The following FCN1 variants were observed in gnomAD, a reference collection of about 807,000 sequenced individuals.
FCN1 encodes the protein ficolin-1.
Under a neutral mutation model 35.6 loss-of-function variants are expected in FCN1, and 42 were observed. That is an observed-to-expected ratio of 1.18 (90% confidence interval 0.92 to 1.53). The LOEUF (loss-of-function observed/expected upper bound fraction) is 1.53. Ranked by LOEUF, FCN1 falls within the 40% of genes most tolerant of loss-of-function variation. FCN1 has a pLI of 0.00. For synonymous variants in FCN1, 179 were observed against 169.8 expected (o/e 1.05, Z -0.42); for missense variants, 439 against 428.4 (o/e 1.02, Z -0.22).
Position 134,912,519 on chromosome 9 carries a change from C to G in FCN1, c.565G>C (p.Gly189Arg). 6.2e-7 allele frequency: 1 copy of G among 1,614,086 alleles called. No homozygotes were observed. ...GTCAGGGCGTGGATGTTGTCATTCCCCAGCCAGAACTCCCCCAGCTGACTG... is the reference window on the plus strand; with the variant it reads ...GTCAGGGCGTGGATGTTGTCATTCCGCAGCCAGAACTCCCCCAGCTGACTG... The part of the protein sequence containing the change: ...FGSQLGEFWL[G>R]NDNIHALTAQ... The change falls in exon 7 of 9, where the codon GGG becomes CGG. Residue 189 changes from glycine to arginine, a missense_variant. Coordinates refer to ENST00000371806, the MANE Select transcript of FCN1 (RefSeq NM_002003.5).
intron 2 of FCN1, among the ~76,000 whole-genome samples, chr9:134,915,378 T>A (rs1831080001): frequency 1.3e-5 from 2 of 152,130 alleles, no homozygotes; most frequent in African/African-American, 4.8e-5. Flanking sequence ...CTGACCCCAG[T>A]GGCTGGGGAG....
At chr9:134,911,634 G>T (rs969643885) in intron 7 of FCN1, among the ~76,000 whole-genome samples, 4 of 151,784 alleles carry the variant, frequency 2.6e-5, no homozygotes, top group Non-Finnish European at 4.4e-5. Flanking sequence ...TTACAGGTGT[G>T]AGCCACGGTG....
chr9:134,909,976 G>A lies in FCN1; in HGVS notation c.803C>T (p.Ser268Leu), dbSNP rs777571891. ...TKDQDNDVSS[S>L]NCAEKFQGAW... is the part of the protein sequence containing the mutation. ...TCCTTGGAACTTCTCAGCACAATTC[G>A]AAGAACTCACATCATTGTCTTGGTC... Residue 268 changes from serine to leucine, a missense_variant, in exon 9 of 9, where the codon TCG (serine) becomes TTG (leucine). By Grantham distance (145) the Ser-to-Leu change is moderately radical (BLOSUM62 -2). Transcript: ENST00000371806. 3.1e-6 allele frequency: 5 copies of A among 1,613,978 alleles called. No individual in the cohort carries two copies. Among genetic ancestry groups the A allele is most frequent in the East Asian group, 2.2e-5 (1 of 44,884 alleles).
At position 134,914,403 on chromosome 9, in the gene FCN1, C is replaced by T; in HGVS notation, c.289G>A (p.Gly97Arg). 2.5e-6 allele frequency: 4 copies of T among 1,614,120 alleles called. No individual in the cohort carries two copies. Among genetic ancestry groups the T allele is most frequent in the Non-Finnish European group, 3.4e-6 (4 of 1,179,960 alleles). Residue 97 changes from glycine to arginine, a missense_variant, in exon 4 of 9, where the codon GGG becomes AGG. Coordinates refer to ENST00000371806, the MANE Select transcript of FCN1 (RefSeq NM_002003.5). ...GGCTCACCTTTCTCTCCACGCATCC[C>T]CTTCTCTCCTCGGTCTCCTGGAGGA... ...VGPKGDRGEKGMRGEKGDAGQ... is the reference protein window; with the variant it reads ...VGPKGDRGEKRMRGEKGDAGQ...
At chr9:134,910,762 C>T (rs886698485) in intron 8 of FCN1, among the ~76,000 whole-genome samples, 5 of 152,156 alleles carry the variant, frequency 3.3e-5, no homozygotes, top group African/African-American at 4.8e-5. Context: ...CTCCCCAGAT[C>T]GTGTAGCCAG....
In FCN1 at chr9:134,907,188, A is replaced by T. The variant is rs1242185228; in HGVS notation, c.*2610T>A. 6.6e-6 allele frequency: 1 copy of T among 152,240 alleles called. No individual in the cohort carries two copies. The highest frequency in any genetic ancestry group is 6.5e-5 in the Admixed American group (1 of 15,284). 9.4% of individuals were successfully genotyped at this position (152,240 alleles called of 1,614,324 possible). ...TTAAAGCTAAGTCTTCCTAGGTTGT[A>T]AAAATGCTTACCTACTGAGGGACGA... On this transcript the variant is annotated 3_prime_UTR_variant, in exon 9 of 9. Transcript: ENST00000371806.
intron 8 of FCN1, among the ~76,000 whole-genome samples, chr9:134,910,554 TC>T (rs1831010697): frequency 6.6e-6 from 1 of 152,178 alleles, no homozygotes; most frequent in South Asian, 2.1e-4. Flanking sequence ...CCTGCTGCCT[TC>T]CTTGGAGGTC....
chr9:134,907,726 C>T lies in FCN1; in HGVS notation c.*2072G>A, dbSNP rs1207425409. 6.6e-6 allele frequency: 1 copy of T among 152,232 alleles called. No homozygotes were observed. Among genetic ancestry groups the T allele is most frequent in the African/African-American group, 2.4e-5 (1 of 41,450 alleles). 9.4% of individuals were successfully genotyped at this position (152,232 alleles called of 1,614,324 possible). ...AGCACATACCCTCTTGAACAGGCTC[C>T]TTTTGCTGCCATGTTTGTGAGACTC... is the stretch of plus-strand genomic sequence containing the variant. On this transcript the variant is annotated 3_prime_UTR_variant, in exon 9 of 9. Transcript: ENST00000371806.
In FCN1 at chr9:134,917,881, C is replaced by T; in HGVS notation, c.-10G>A. On this transcript the variant is annotated 5_prime_UTR_variant, in exon 1 of 9. Coordinates refer to ENST00000371806, the MANE Select transcript of FCN1 (RefSeq NM_002003.5). ...CTCCACTCAGCTCCATGCTCTCTGG[C>T]CTTTGACTCTGAAGAGTCCCCCAGC... The T allele has an allele frequency of 6.3e-7, 1 of 1,598,110 alleles. No homozygotes were observed. Among genetic ancestry groups the T allele is most frequent in the Admixed American group, 1.7e-5 (1 of 59,968 alleles).
rs551478699 is a variant in FCN1 at position 134,903,286 on chromosome 9, T to A, written c.*6512A>T. Among the ~76,000 whole-genome samples, 42 of 152,314 alleles carry A rather than the reference T, an allele frequency of 2.8e-4. No individual in the cohort carries two copies. The highest frequency in any genetic ancestry group is 4.0e-4 in the Non-Finnish European group (27 of 68,016). Reference sequence around the variant, plus strand: ...AATCTATTTTTTATATATAGACTTTTCAGTAGACAACAGCATAAAACATAT... The same window carrying A: ...AATCTATTTTTTATATATAGACTTTACAGTAGACAACAGCATAAAACATAT... On this transcript the variant is annotated 3_prime_UTR_variant, in exon 9 of 9. Transcript: ENST00000371806.
At chr9:134,916,298 A>T (rs1831090355) in intron 2 of FCN1, 50 bp downstream of exon 2, 1 of 1,366,566 alleles carries the variant, frequency 7.3e-7, no homozygotes. Context: ...ATAAAGAGCA[A>T]GAGCCAGTGC....
At position 134,910,422 on chromosome 9, in the gene FCN1, TG is replaced by T. The variant is rs1185032922; in HGVS notation, c.734-378del. 4.0e-4 allele frequency among the ~76,000 whole-genome samples: 61 copies of T among 152,288 alleles called. 1 individual carries two copies. The highest frequency in any genetic ancestry group is 4.4e-5 in the Non-Finnish European group (3 of 68,016). On this transcript the variant is annotated intron_variant, in intron 8 of 8. Transcript: ENST00000371806. ...TGGTAGGTTCAGGACAGCCCTCACCTGGGGGCTTCTCCTCTATCTCAAGCCC... is the reference window on the plus strand; with the variant it reads ...TGGTAGGTTCAGGACAGCCCTCACCTGGGGCTTCTCCTCTATCTCAAGCCC...
chr9:134,913,462 G>A (rs537733514), intron 5 of FCN1, 119 bp downstream of exon 5: 152 of 727,556 alleles, frequency 2.1e-4, no homozygotes, highest in East Asian at 4.5e-4. Context: ...GAGTGATTGA[G>A]GGGGGGATGA....
rs1450547107 is a variant in FCN1 at position 134,904,990 on chromosome 9, C to T, written c.*4808G>A. On this transcript the variant is annotated 3_prime_UTR_variant, in exon 9 of 9. Transcript: ENST00000371806. ...TTTAAATAAATGTATCATAGCATGG[C>T]GGCAAGAATGGCATAAAAAGCAGAA... 2.6e-5 allele frequency among the ~76,000 whole-genome samples: 4 copies of T among 152,090 alleles called. No individual in the cohort carries two copies. The highest frequency in any genetic ancestry group is 2.1e-4 in the South Asian group (1 of 4,820).
In FCN1 at chr9:134,904,568, C is replaced by A; in HGVS notation, c.*5230G>T. On this transcript the variant is annotated 3_prime_UTR_variant, in exon 9 of 9. Coordinates refer to ENST00000371806, the MANE Select transcript of FCN1 (RefSeq NM_002003.5). ...CTGAGGCGGGTGGATCACTTGAGGT[C>A]AGGAGTTCAAGAGCAGCCTGGCTAA... is the stretch of plus-strand genomic sequence containing the variant. Among the ~76,000 whole-genome samples, 1 of 152,152 alleles carries A rather than the reference C, an allele frequency of 6.6e-6. No individual in the cohort carries two copies. The highest frequency in any genetic ancestry group is 1.9e-4 in the East Asian group (1 of 5,196).
intron 1 of FCN1, 146 bp downstream of exon 1, chr9:134,917,623 T>C (rs1831107240): frequency 3.3e-6 from 2 of 607,148 alleles, no homozygotes; most frequent in Non-Finnish European, 6.1e-6. Flanking sequence ...GCCCTGAGCC[T>C]CCATGTCCTT....
At chr9:134,915,126 G>A (rs1461507140) in intron 2 of FCN1, among the ~76,000 whole-genome samples, 1 of 152,194 alleles carries the variant, frequency 6.6e-6, no homozygotes, top group East Asian at 1.9e-4. Context: ...CCCACACAGA[G>A]CTCTACTGCC....
rs1273469367 is a variant in FCN1 at position 134,912,507 on chromosome 9, T to G, written c.577A>C (p.Ile193Leu). The G allele has an allele frequency of 2.5e-6, 4 of 1,613,962 alleles. No homozygotes were observed. The South Asian group carries it at 4.4e-5, about 18-fold the overall frequency. Residue 193 changes from isoleucine (I) to leucine (L), a missense_variant, in exon 7 of 9, where the codon ATC (isoleucine) becomes CTC (leucine). By Grantham distance (5) the Ile-to-Leu change is conservative. Coordinates refer to ENST00000371806, the MANE Select transcript of FCN1 (RefSeq NM_002003.5). ...LGEFWLGNDNIHALTAQGSSE... is the reference protein window; with the variant it reads ...LGEFWLGNDNLHALTAQGSSE... ...CTACCCTGGGCAGTCAGGGCGTGGA[T>G]GTTGTCATTCCCCAGCCAGAACTCC...
chr9:134,909,679 G>C lies in FCN1; in HGVS notation c.*119C>G. On this transcript the variant is annotated 3_prime_UTR_variant, in exon 9 of 9. Coordinates refer to ENST00000371806, the MANE Select transcript of FCN1 (RefSeq NM_002003.5). ...GGCTTGACTGAGCTGGGGGCAAAGG[G>C]GCAGCTGTGGGCGTCATGGGAGTGT... The C allele has an allele frequency of 6.3e-7, 1 of 1,595,470 alleles. No homozygotes were observed. The highest frequency in any genetic ancestry group is 8.5e-7 in the Non-Finnish European group (1 of 1,177,690).
Sources: allele counts gnomAD v4.1 joint callset (sites outside exome capture counted in the v4.1 genomes callset), GRCh38; gene constraint gnomAD v4.1.1; transcripts MANE v1.5; gene names NCBI Gene and HGNC (gene_info 2026-07-23, HGNC 2026-07-21).